Variants in SLC44A5 observed in about 807,000 individuals in gnomAD.
SLC44A5 encodes solute carrier family 44 member 5.
A neutral mutation model predicts 101.8 loss-of-function variants in SLC44A5; 57 were observed. The ratio of observed to expected loss-of-function variants is 0.56; its 90% CI spans 0.45 to 0.70. The LOEUF (loss-of-function observed/expected upper bound fraction) is 0.70. Among genes scored for constraint, SLC44A5 ranks in the 30% least tolerant of loss-of-function variants. The probability of loss-of-function intolerance (pLI) is 0.00; values close to 1 mark genes in which losing one functional copy is unlikely to be tolerated. For synonymous variants in SLC44A5, 281 were observed against 290.9 expected (o/e 0.97, Z 0.35); for missense variants, 737 against 853.1 (o/e 0.86, Z 1.70).
chr1:75,671,164 C>A, the SLC44A5 span, among the ~76,000 whole-genome samples: 1 of 152,084 alleles, frequency 6.6e-6, no homozygotes, highest in Non-Finnish European at 1.5e-5. Flanking sequence ...TATAGGAATT[C>A]CCCCATTGCC....
At chr1:75,481,995 C>T (rs1399847973) in intron 2 of SLC44A5, among the ~76,000 whole-genome samples, 1 of 152,028 alleles carries the variant, frequency 6.6e-6, no homozygotes, top group Non-Finnish European at 1.5e-5. Context: ...GCACTATTCA[C>T]AATAGCAAAG....
the SLC44A5 span, among the ~76,000 whole-genome samples, chr1:75,675,969 T>C: frequency 7.9e-5 from 12 of 152,234 alleles, no homozygotes; most frequent in African/African-American, 2.6e-4. Context: ...CACTGATCAT[T>C]AGAGAAATGC....
chr1:75,400,261 G>A (rs1023480738), intron 2 of SLC44A5, among the ~76,000 whole-genome samples: 2 of 152,126 alleles, frequency 1.3e-5, no homozygotes, highest in African/African-American at 4.8e-5. Flanking sequence ...TGGGTGATGG[G>A]TTCCATAAAA....
chr1:75,483,433 G>T (rs1334756385), intron 2 of SLC44A5, among the ~76,000 whole-genome samples: 1 of 152,090 alleles, frequency 6.6e-6, no homozygotes, highest in Non-Finnish European at 1.5e-5. Context: ...CTCATTATTT[G>T]AAACAAGATA....
chr1:75,574,955 C>A (rs1316924621), intron 1 of SLC44A5, among the ~76,000 whole-genome samples: 1 of 151,900 alleles, frequency 6.6e-6, no homozygotes, highest in Non-Finnish European at 1.5e-5. Context: ...TAAACAAGGA[C>A]AATGAAGAAT....
the SLC44A5 span, among the ~76,000 whole-genome samples, chr1:75,705,990 G>C: frequency 2.0e-5 from 3 of 152,062 alleles, no homozygotes; most frequent in African/African-American, 4.8e-5. Flanking sequence ...ATCAGCTTTT[G>C]ACTTTGTTAA....
intron 2 of SLC44A5, among the ~76,000 whole-genome samples, chr1:75,428,808 C>T (rs770795708): frequency 1.1e-4 from 16 of 152,116 alleles, no homozygotes; most frequent in East Asian, 3.8e-4. Flanking sequence ...AGATTGTCTA[C>T]GCAATACCCC....
intron 20 of SLC44A5, 143 bp from the exon 21 acceptor site, chr1:75,214,132 G>C: frequency 1.6e-6 from 1 of 633,508 alleles, no homozygotes. Flanking sequence ...AAGAAATGAT[G>C]GTGGAACTCA....
intron 2 of SLC44A5, among the ~76,000 whole-genome samples, chr1:75,423,790 G>C (rs572336959): frequency 3.3e-5 from 5 of 152,322 alleles, no homozygotes; most frequent in African/African-American, 9.6e-5. Context: ...AGCACACACA[G>C]ATACACTTGC....
intron 1 of SLC44A5, among the ~76,000 whole-genome samples, chr1:75,571,287 CAT>C (rs774374971): frequency 4.7e-4 from 72 of 151,974 alleles, no homozygotes; most frequent in Non-Finnish European, 9.1e-4. Flanking sequence ...TCTCCCAAGA[CAT>C]AGAACAGTAA....
intron 2 of SLC44A5, among the ~76,000 whole-genome samples, chr1:75,494,071 A>G (rs1486404138): frequency 6.6e-6 from 1 of 152,126 alleles, no homozygotes; most frequent in Non-Finnish European, 1.5e-5. Flanking sequence ...AACAAGTGGA[A>G]CCTTTGAGAG....
chr1:75,461,692 T>C (rs1342063343), intron 2 of SLC44A5, among the ~76,000 whole-genome samples: 1 of 152,300 alleles, frequency 6.6e-6, no homozygotes, highest in Non-Finnish European at 1.5e-5. Context: ...GAGTGCCTAC[T>C]ACCCTAAAGA....
chr1:75,269,183 T>C (rs2100724356), intron 6 of SLC44A5, among the ~76,000 whole-genome samples: 1 of 152,226 alleles, frequency 6.6e-6, no homozygotes, highest in Non-Finnish European at 1.5e-5. Context: ...TTTTTTTAAC[T>C]GTAGTTGAAC....
intron 6 of SLC44A5, among the ~76,000 whole-genome samples, chr1:75,267,382 A>G (rs867527432): frequency 1.3e-5 from 2 of 152,218 alleles, no homozygotes; most frequent in South Asian, 4.1e-4. Context: ...TTGTCTCAGC[A>G]TATTTACTTC....
intron 5 of SLC44A5, among the ~76,000 whole-genome samples, chr1:75,282,947 A>T (rs1345692181): frequency 6.6e-6 from 1 of 152,174 alleles, no homozygotes; most frequent in African/African-American, 2.4e-5. Context: ...TGCATTTGCG[A>T]ATCGGGTGAC....
chr1:75,609,190 A>G (rs1177769948), intron 1 of SLC44A5, among the ~76,000 whole-genome samples: 3 of 151,952 alleles, frequency 2.0e-5, no homozygotes, highest in Non-Finnish European at 4.4e-5. Flanking sequence ...TCTCCTATTT[A>G]TACCTCAAAG....
rs182013769 is a variant in SLC44A5, at chr1:75,216,985, T to A, written c.1624+881A>T. On this transcript the variant is annotated intron_variant, in intron 18 of 23. Coordinates refer to ENST00000370859, the MANE Select transcript of SLC44A5 (RefSeq NM_001130058.2). ...GAAGTTCAATTTATTTTTCTTTTGT[T>A]GCCTATGCTTTGGGTGTACTATCTA... Among the ~76,000 whole-genome samples, 184 of 152,206 alleles carry A rather than the reference T, an allele frequency of 1.2e-3. 4 individuals carry two copies. The South Asian group carries it at 0.02, about 17-fold the overall frequency.
chr1:75,365,686 T>C lies in SLC44A5; in HGVS notation c.53-26056A>G, dbSNP rs547248581. ...GATAAAGAAAATATGGTACATATAC[T>C]CCATGGAATACTATGCAGCCATAAA... On this transcript the variant is annotated intron_variant, in intron 3 of 23. Transcript: ENST00000370859. Among the ~76,000 whole-genome samples the C allele has an allele frequency of 2.1e-3, 320 of 152,278 alleles. 2 individuals carry two copies. Among genetic ancestry groups the C allele is most frequent in the African/African-American group, 7.0e-3 (289 of 41,566 alleles).
chr1:75,221,721 CTTT>C (rs944663855), intron 14 of SLC44A5, among the ~76,000 whole-genome samples: 13 of 152,108 alleles, frequency 8.5e-5, no homozygotes, highest in Non-Finnish European at 5.9e-5. Context: ...ATCTAGCTAA[CTTT>C]TATATAGCAC....
Sources: allele counts gnomAD v4.1 joint callset (sites outside exome capture counted in the v4.1 genomes callset), GRCh38; gene constraint gnomAD v4.1.1; transcripts MANE v1.5; gene names NCBI Gene and HGNC (gene_info 2026-07-23, HGNC 2026-07-21).